ZSWIM7: variants seen among roughly 807,000 people sequenced by gnomAD.
The protein encoded by ZSWIM7 is zinc finger SWIM-type containing 7, also known as zinc finger SWIM domain-containing protein 7.
Under a neutral mutation model 21.1 loss-of-function variants are expected in ZSWIM7, and 22 were observed. That is an observed-to-expected ratio of 1.04 (90% CI 0.74 to 1.49). The LOEUF (loss-of-function observed/expected upper bound fraction) is 1.49, where lower values mean the gene tolerates loss of function less well. Among genes scored for constraint, ZSWIM7 ranks in the 40% most tolerant of loss-of-function variants. The pLI, the probability that ZSWIM7 is intolerant of heterozygous loss-of-function variation, is 0.00. For synonymous variants in ZSWIM7, 67 were observed against 66.5 expected (o/e 1.01, Z -0.04); for missense variants, 193 against 168.0 (o/e 1.15, Z -0.82).
chr17:15,996,801 T>C (rs527979694), intron 1 of ZSWIM7, among the ~76,000 whole-genome samples: 10 of 150,320 alleles, frequency 6.7e-5, no homozygotes, highest in Admixed American at 4.0e-4. Flanking sequence ...CAGTGACCTA[T>C]GATTGTGCCA....
Position 15,983,204 on chromosome 17 carries a change from G to T in ZSWIM7, c.202-2060C>A, listed in dbSNP as rs1228279759. ...TACTAAAAATACAAAAATTAGCCAG[G>T]TGTGGTGGCGGGTGCCTGTAATCCC... On this transcript the variant is annotated intron_variant, in intron 3 of 4. Transcript: ENST00000399277. Among the ~76,000 whole-genome samples, 4 of 151,928 alleles carry T rather than the reference G, an allele frequency of 2.6e-5. No homozygotes were observed. The East Asian group carries it at 7.8e-4, about 30-fold the overall frequency.
At chr17:15,982,226 G>C (rs891348623) in intron 3 of ZSWIM7, among the ~76,000 whole-genome samples, 2 of 152,120 alleles carry the variant, frequency 1.3e-5, no homozygotes, top group African/African-American at 4.8e-5. Flanking sequence ...CAAATTTGCT[G>C]GAGAAATCCT....
chr17:15,980,910 CAA>C (rs1185640530), intron 4 of ZSWIM7, 128 bp downstream of exon 4: 9 of 608,118 alleles, frequency 1.5e-5, no homozygotes, highest in Non-Finnish European at 2.2e-5. Context: ...TAACTGAAGA[CAA>C]AGACAAAAAA....
Position 15,987,385 on chromosome 17 carries a change from C to G in ZSWIM7, c.99-17G>C. The G allele has an allele frequency of 6.2e-7, 1 of 1,606,850 alleles. No homozygotes were observed. The highest frequency in any genetic ancestry group is 8.5e-7 in the Non-Finnish European group (1 of 1,175,432). ...AACTTCAGCCTGTGAAATAAAAACACTTCAGATTAGAAGGCCTGATTCTCA... is the reference window on the plus strand; with the variant it reads ...AACTTCAGCCTGTGAAATAAAAACAGTTCAGATTAGAAGGCCTGATTCTCA... On this transcript the variant is annotated splice_polypyrimidine_tract_variant and intron_variant, in intron 2 of 4. Coordinates refer to ENST00000399277, the MANE Select transcript of ZSWIM7 (RefSeq NM_001042697.2).
chr17:15,985,057 C>A (rs1243544441), intron 3 of ZSWIM7, among the ~76,000 whole-genome samples: 2 of 152,212 alleles, frequency 1.3e-5, no homozygotes, highest in Non-Finnish European at 2.9e-5. Context: ...GTAATCCCAG[C>A]ACTTTGGAAA....
intron 3 of ZSWIM7, among the ~76,000 whole-genome samples, 164 bp from the exon 4 acceptor site, chr17:15,981,308 C>T (rs933619687): frequency 6.6e-6 from 1 of 152,118 alleles, no homozygotes; most frequent in African/African-American, 2.4e-5. Context: ...CTCCAGTGTA[C>T]AGACTCTCCC....
At chr17:15,982,799 C>T (rs1028854411) in intron 3 of ZSWIM7, among the ~76,000 whole-genome samples, 4 of 152,028 alleles carry the variant, frequency 2.6e-5, no homozygotes, top group Non-Finnish European at 4.4e-5. Flanking sequence ...TACTGGTGTG[C>T]GCCACCACCC....
chr17:15,994,802 G>A (rs1970527838), intron 1 of ZSWIM7, among the ~76,000 whole-genome samples: 1 of 152,030 alleles, frequency 6.6e-6, no homozygotes, highest in Non-Finnish European at 1.5e-5. Context: ...AAGAGAAGTG[G>A]GAATGACACT....
intron 1 of ZSWIM7, among the ~76,000 whole-genome samples, chr17:15,996,195 C>T (rs1384956272): frequency 2.0e-5 from 3 of 151,988 alleles, no homozygotes; most frequent in African/African-American, 7.3e-5. Context: ...CCCAGCTACT[C>T]GAGAGACTGA....
rs779676410 is a variant in ZSWIM7, at chr17:15,987,321, A to G, written c.146T>C (p.Val49Ala). 4 of 1,613,770 alleles carry G rather than the reference A, an allele frequency of 2.5e-6. No individual in the cohort carries two copies. In the South Asian group the frequency reaches 4.4e-5, roughly 18 times the overall value. Reference sequence around the variant, plus strand: ...GATTAAGGTGATGGACTGTCGATCAACTAGGTCCAAGGCCTGGGTGGCTGA... The same window carrying G: ...GATTAAGGTGATGGACTGTCGATCAGCTAGGTCCAAGGCCTGGGTGGCTGA... ...GSSATQALDLVDRQSITLISS... is the reference protein window; with the variant it reads ...GSSATQALDLADRQSITLISS... Residue 49 changes from valine (V) to alanine (A), a missense_variant, in exon 3 of 5, where the codon GTT becomes GCT. Coordinates refer to ENST00000399277, the MANE Select transcript of ZSWIM7 (RefSeq NM_001042697.2).
intron 3 of ZSWIM7, among the ~76,000 whole-genome samples, chr17:15,986,233 G>A (rs1206461860): frequency 2.0e-5 from 3 of 152,042 alleles, no homozygotes; most frequent in Non-Finnish European, 4.4e-5. Flanking sequence ...TAGTAGACAC[G>A]GGGTTTCACC....
At chr17:15,982,424 G>C (rs753021806) in intron 3 of ZSWIM7, among the ~76,000 whole-genome samples, 6 of 152,108 alleles carry the variant, frequency 3.9e-5, no homozygotes, top group Non-Finnish European at 7.4e-5. Context: ...AGCACTTTTA[G>C]GCTCTCAGAT....
chr17:15,987,399 G>C, intron 2 of ZSWIM7, 31 bp from the exon 3 acceptor site: 3 of 1,576,450 alleles, frequency 1.9e-6, no homozygotes, highest in Non-Finnish European at 2.6e-6. Context: ...AGATTAGAAG[G>C]CCTGATTCTC....
rs116354999 is a variant in ZSWIM7 at position 15,998,654 on chromosome 17, A to G, written c.76+865T>C. Among the ~76,000 whole-genome samples the G allele has an allele frequency of 3.1e-3, 473 of 152,308 alleles. 2 individuals are homozygous for G. The highest frequency in any genetic ancestry group is 0.011 in the African/African-American group (451 of 41,566). On this transcript the variant is annotated intron_variant, in intron 1 of 4. Coordinates refer to ENST00000399277, the MANE Select transcript of ZSWIM7 (RefSeq NM_001042697.2). Reference sequence around the variant, plus strand: ...CAAGTGATTTTGGTGAGCATAGCCAAAGAGTACCCTCTGCTGGTCAGAAAA... The same window carrying G: ...CAAGTGATTTTGGTGAGCATAGCCAGAGAGTACCCTCTGCTGGTCAGAAAA...
Position 15,993,767 on chromosome 17 carries a change from A to G in ZSWIM7, c.88T>C (p.Tyr30His). ...AGTATATGTACTTACGATAACAGAT[A>G]TTCATCAGGAACTGTAAAATGAGAA... ...VQESARIPDEYLLSLKFLFGS... is the reference protein window; with the variant it reads ...VQESARIPDEHLLSLKFLFGS... The change falls in exon 2 of 5, where the codon TAT becomes CAT. Residue 30 changes from tyrosine to histidine, a missense_variant. Physicochemically the swap from Tyr to His is moderately conservative, Grantham distance 83. Transcript: ENST00000399277. 1 of 1,503,482 alleles carries G rather than the reference A, an allele frequency of 6.7e-7. No individual in the cohort carries two copies. Among genetic ancestry groups the G allele is most frequent in the Non-Finnish European group, 9.2e-7 (1 of 1,088,096 alleles). 93.1% of individuals were successfully genotyped at this position (1,503,482 alleles called of 1,614,324 possible).
At chr17:15,982,136 T>C (rs1382179430) in intron 3 of ZSWIM7, among the ~76,000 whole-genome samples, 1 of 151,828 alleles carries the variant, frequency 6.6e-6, no homozygotes, top group Non-Finnish European at 1.5e-5. Flanking sequence ...AGAGGCACAG[T>C]CTAACAGTCT....
intron 1 of ZSWIM7, among the ~76,000 whole-genome samples, chr17:15,995,510 C>T (rs111580674): frequency 1.3e-4 from 20 of 150,856 alleles, no homozygotes; most frequent in African/African-American, 4.9e-4. Context: ...GATCTGCCCA[C>T]CTTGGCCTCC....
In ZSWIM7 at chr17:15,978,064, T is replaced by C. The variant is rs1489136608; in HGVS notation, c.406A>G (p.Lys136Glu). The change falls in exon 5 of 5, where the codon AAG (lysine) becomes GAG (glutamate). Residue 136 changes from lysine (K) to glutamate (E), a missense_variant. By Grantham distance (56) the Lys-to-Glu change is moderately conservative. Coordinates refer to ENST00000399277, the MANE Select transcript of ZSWIM7 (RefSeq NM_001042697.2). ...KQLTDILLME[K>E]KQEA ...TGTACCTTTTATGCTTCTTGTTTCT[T>C]CTCCATCAATAATATGTCAGTCAAC... 3 of 1,613,718 alleles carry C rather than the reference T, an allele frequency of 1.9e-6. No individual in the cohort carries two copies. The highest frequency in any genetic ancestry group is 2.5e-6 in the Non-Finnish European group (3 of 1,179,604).
At chr17:15,980,426 A>T (rs1182584146) in intron 4 of ZSWIM7, 1 of 152,326 alleles carries the variant, frequency 6.6e-6, no homozygotes, top group African/African-American at 2.4e-5. Context: ...TTAAGAAGTT[A>T]ACAGTGTAAA....
Sources: allele counts gnomAD v4.1 joint callset (sites outside exome capture counted in the v4.1 genomes callset), GRCh38; gene constraint gnomAD v4.1.1; transcripts MANE v1.5; gene names NCBI Gene and HGNC (gene_info 2026-07-23, HGNC 2026-07-21).